CDH18: variants seen among roughly 807,000 people sequenced by gnomAD.
The protein encoded by CDH18 is cadherin 18.
CDH18 carries 31 observed loss-of-function variants against 67.9 expected under a neutral mutation model. That is an observed-to-expected ratio of 0.46 (90% CI 0.34 to 0.62). CDH18 has a LOEUF of 0.62. Ranked by LOEUF, CDH18 falls within the 20% of genes least tolerant of loss-of-function variation. The probability of loss-of-function intolerance (pLI) is 0.01; values close to 1 mark genes in which losing one functional copy is unlikely to be tolerated. For synonymous variants in CDH18, 362 were observed against 347.2 expected, an observed-to-expected ratio of 1.04 and a Z score of -0.48; for missense variants, 890 against 975.5, an observed-to-expected ratio of 0.91 and a Z score of 1.17.
intron 2 of CDH18, among the ~76,000 whole-genome samples, chr5:20,140,463 T>A (rs2126521584): frequency 6.6e-6 from 1 of 152,160 alleles, no homozygotes; most frequent in African/African-American, 2.4e-5. Context: ...ACTTAAAGTA[T>A]AATAAAAATA....
chr5:20,184,502 G>A (rs1737940995), intron 2 of CDH18, among the ~76,000 whole-genome samples: 1 of 152,058 alleles, frequency 6.6e-6, no homozygotes, highest in Non-Finnish European at 1.5e-5. Context: ...CTGTCATTCT[G>A]CCTCTGCATA....
Position 20,343,222 on chromosome 5 carries a change from G to C in CDH18, c.-579-87717C>G, listed in dbSNP as rs548346154. ...AATAGTCTGACACCTGTAGAGCCCT[G>C]GCATTGGCTAACTAATCACAATGTT... On this transcript the variant is annotated intron_variant, in intron 1 of 14. Transcript: ENST00000507958. Among the ~76,000 whole-genome samples, 3 of 152,282 alleles carry C rather than the reference G, an allele frequency of 2.0e-5. No homozygotes were observed. In the South Asian group the frequency reaches 6.2e-4, roughly 32 times the overall value.
intron 2 of CDH18, among the ~76,000 whole-genome samples, chr5:19,899,527 T>G (rs994234355): frequency 2.0e-5 from 3 of 152,192 alleles, no homozygotes; most frequent in South Asian, 4.1e-4. Flanking sequence ...TGATGTAGCT[T>G]GCTTATGGAA....
intron 6 of CDH18, among the ~76,000 whole-genome samples, chr5:19,593,732 C>CTTTCCTTTTTCTTG (rs1554055011): frequency 7.7e-6 from 1 of 129,140 alleles, no homozygotes; most frequent in Non-Finnish European, 1.6e-5. Flanking sequence ...TCTTCTTCTT[C>CTTTCCTTTTTCTTG]TTCTTCTTCT....
chr5:19,839,657 G>C (rs1380223989), intron 2 of CDH18, among the ~76,000 whole-genome samples: 1 of 152,066 alleles, frequency 6.6e-6, no homozygotes, highest in Admixed American at 6.6e-5. Flanking sequence ...CAAAGAAAAA[G>C]GTGGCTGAAA....
chr5:19,490,399 T>G lies in CDH18; in HGVS notation c.1631-6847A>C, dbSNP rs1447788506. Among the ~76,000 whole-genome samples the G allele has an allele frequency of 3.4e-3, 197 of 57,678 alleles. 7 individuals are homozygous for G. In the East Asian group the frequency reaches 0.035, roughly 10 times the overall value. 37.8% of individuals were successfully genotyped at this position (57,678 alleles called of 152,430 possible). On this transcript the variant is annotated intron_variant, in intron 11 of 12. Coordinates refer to ENST00000382275, the MANE Select transcript of CDH18 (RefSeq NM_004934.5). The stretch of plus-strand genomic sequence containing the variant: ...TATCACATATATAAAAATCTGTTTT[T>G]TTTTTTTTTTTTTTTTTTTTTTTTT...
In CDH18 at chr5:20,127,586, G is replaced by A. The variant is rs74565744; in HGVS notation, c.-518+127858C>T. Reference sequence around the variant, plus strand: ...GAAGACATTATACTAAGTGAAATGAGCCAGTCACAGAAGGGCAAACACTGC... The same window carrying A: ...GAAGACATTATACTAAGTGAAATGAACCAGTCACAGAAGGGCAAACACTGC... On this transcript the variant is annotated intron_variant, in intron 2 of 14. Coordinates refer to the CDH18 transcript ENST00000507958. 6.6e-3 allele frequency among the ~76,000 whole-genome samples: 999 copies of A among 152,170 alleles called. 20 individuals carry two copies. Among genetic ancestry groups the A allele is most frequent in the African/African-American group, 0.023 (955 of 41,500 alleles).
chr5:20,175,510 CAA>C (rs575346141), intron 2 of CDH18, among the ~76,000 whole-genome samples: 85 of 152,160 alleles, frequency 5.6e-4, no homozygotes, highest in East Asian at 2.3e-3. Context: ...ATAGGTTTGC[CAA>C]AGTTTGAAGA....
chr5:19,694,084 A>C (rs565301629), intron 5 of CDH18, among the ~76,000 whole-genome samples: 3 of 152,288 alleles, frequency 2.0e-5, no homozygotes, highest in Admixed American at 2.0e-4. Context: ...ATACACAAAA[A>C]ACAGACGCAC....
At chr5:19,640,254 A>C (rs966338562) in intron 5 of CDH18, among the ~76,000 whole-genome samples, 2 of 152,178 alleles carry the variant, frequency 1.3e-5, no homozygotes, top group Non-Finnish European at 2.9e-5. Flanking sequence ...TCCTTTAAAA[A>C]CTAATCATTA....
chr5:20,409,426 CA>C (rs1258823041), intron 1 of CDH18, among the ~76,000 whole-genome samples: 1 of 151,228 alleles, frequency 6.6e-6, no homozygotes, highest in Non-Finnish European at 1.5e-5. Context: ...ACCAGGAGGT[CA>C]AAAAAGAGAT....
intron 1 of CDH18, among the ~76,000 whole-genome samples, chr5:20,556,647 C>T (rs981075770): frequency 1.3e-5 from 2 of 152,218 alleles, no homozygotes; most frequent in East Asian, 3.9e-4. Context: ...CCTTTTTTAT[C>T]ATTAAATGTT....
At chr5:19,638,620 C>T (rs1172296930) in intron 5 of CDH18, among the ~76,000 whole-genome samples, 1 of 151,036 alleles carries the variant, frequency 6.6e-6, no homozygotes, top group Non-Finnish European at 1.5e-5. Context: ...GTGGTATCAG[C>T]AAGTGGAACA....
intron 1 of CDH18, among the ~76,000 whole-genome samples, chr5:20,383,672 C>A (rs1001281517): frequency 1.3e-5 from 2 of 151,966 alleles, no homozygotes; most frequent in African/African-American, 4.8e-5. Flanking sequence ...TGCTGTTATA[C>A]CAAAATGCCT....
intron 1 of CDH18, among the ~76,000 whole-genome samples, chr5:20,542,268 C>T (rs1757091711): frequency 6.9e-6 from 1 of 144,832 alleles, no homozygotes; most frequent in African/African-American, 2.4e-5. Flanking sequence ...TTATCATCAG[C>T]AGAAAGAGGA....
intron 1 of CDH18, among the ~76,000 whole-genome samples, chr5:20,543,443 C>T (rs1034206727): frequency 2.0e-5 from 3 of 151,960 alleles, no homozygotes; most frequent in African/African-American, 7.2e-5. Flanking sequence ...AGCATACATA[C>T]TTTAGTGTTT....
At chr5:20,387,688 G>A (rs1262563390) in intron 1 of CDH18, among the ~76,000 whole-genome samples, 1 of 152,142 alleles carries the variant, frequency 6.6e-6, no homozygotes, top group African/African-American at 2.4e-5. Context: ...CATTCAGTAT[G>A]ATATTGGCTG....
At chr5:20,381,192 T>C (rs1332704245) in intron 1 of CDH18, among the ~76,000 whole-genome samples, 1 of 152,194 alleles carries the variant, frequency 6.6e-6, no homozygotes. Flanking sequence ...GTCAGTATCT[T>C]GATTTTAATC....
At chr5:20,102,988 T>C (rs1183858899) in intron 2 of CDH18, among the ~76,000 whole-genome samples, 1 of 152,182 alleles carries the variant, frequency 6.6e-6, no homozygotes, top group East Asian at 1.9e-4. Flanking sequence ...AAATCCTGGA[T>C]GTGTCTAAGA....
Sources: gnomAD v4.1 joint callset for allele counts (sites outside exome capture counted in the v4.1 genomes callset) on GRCh38, gnomAD v4.1.1 for gene constraint, MANE v1.5 for transcripts, NCBI Gene and HGNC (gene_info 2026-07-23, HGNC 2026-07-21) for gene names.